G3BP2: variants seen among roughly 807,000 people sequenced by gnomAD.
The protein encoded by G3BP2 is ras GTPase-activating protein-binding protein 2.
Under a neutral mutation model 56.7 loss-of-function variants are expected in G3BP2, and 11 were observed. The ratio of observed to expected loss-of-function variants is 0.19; its 90% confidence interval spans 0.12 to 0.32. The LOEUF (loss-of-function observed/expected upper bound fraction) is 0.32. Among genes scored for constraint, G3BP2 ranks in the 10% least tolerant of loss-of-function variants. The pLI, the probability that G3BP2 is intolerant of heterozygous loss-of-function variation, is 1.00. For synonymous variants in G3BP2, 165 were observed against 191.6 expected (o/e 0.86, Z 1.15); for missense variants, 340 against 610.9 (o/e 0.56, Z 4.67).
At chr4:75,719,176 G>A (rs1720046327) in intron 3 of G3BP2, among the ~76,000 whole-genome samples, 1 of 151,436 alleles carries the variant, frequency 6.6e-6, no homozygotes, top group African/African-American at 2.4e-5. Context: ...GTGAAACCCC[G>A]TCTCTACTAA....
chr4:75,694,829 G>A, intron 3 of G3BP2: 1 of 985,666 alleles, frequency 1.0e-6, no homozygotes, highest in Non-Finnish European at 1.2e-6. Flanking sequence ...GATGGCACTA[G>A]CAGACAGGAT....
chr4:75,687,634 G>C (rs1287164726), intron 3 of G3BP2, among the ~76,000 whole-genome samples: 1 of 152,174 alleles, frequency 6.6e-6, no homozygotes, highest in Non-Finnish European at 1.5e-5. Flanking sequence ...ATCATTTTTG[G>C]AGAACTCAAA....
chr4:75,645,183 T>G lies in G3BP2; in HGVS notation c.*247A>C. On this transcript the variant is annotated 3_prime_UTR_variant, in exon 12 of 12. Coordinates refer to ENST00000359707, the MANE Select transcript of G3BP2 (RefSeq NM_203505.3). ...TTTAAGTTCACTTTGTCGTAGATAG[T>G]TTAAGATATGGTCATTTCTCAGTCC... 1 of 526,404 alleles carries G rather than the reference T, an allele frequency of 1.9e-6. No homozygotes were observed. The highest frequency in any genetic ancestry group is 3.3e-6 in the Non-Finnish European group (1 of 299,202). 32.6% of individuals were successfully genotyped at this position (526,404 alleles called of 1,614,324 possible). A position where few individuals can be genotyped will look rare whatever the true frequency, so the allele number is the denominator to read the frequency against.
At chr4:75,671,714 T>A (rs1733502461) in intron 1 of G3BP2, among the ~76,000 whole-genome samples, 1 of 152,166 alleles carries the variant, frequency 6.6e-6, no homozygotes, top group Non-Finnish European at 1.5e-5. Context: ...AAAGATTAAA[T>A]CATAACATAA....
At chr4:75,716,823 T>C (rs1167346314) in intron 3 of G3BP2, among the ~76,000 whole-genome samples, 1 of 152,166 alleles carries the variant, frequency 6.6e-6, no homozygotes, top group Non-Finnish European at 1.5e-5. Context: ...CCTCTTCTAG[T>C]TCTTTATACC....
chr4:75,655,993 CT>C (rs373392333), intron 5 of G3BP2, 123 bp from the exon 6 acceptor site: 66,032 of 476,910 alleles, frequency 0.14, no homozygotes, highest in South Asian at 0.19. Flanking sequence ...ATTTTCTTTC[CT>C]TTTTTTTTTT....
At chr4:75,718,851 A>G (rs1273192161) in intron 3 of G3BP2, among the ~76,000 whole-genome samples, 1 of 152,142 alleles carries the variant, frequency 6.6e-6, no homozygotes, top group African/African-American at 2.4e-5. Context: ...AGGTCCTGGC[A>G]GCCATCTTGC....
At chr4:75,688,944 A>C (rs1298731321) in intron 3 of G3BP2, among the ~76,000 whole-genome samples, 1 of 152,218 alleles carries the variant, frequency 6.6e-6, no homozygotes, top group African/African-American at 2.4e-5. Context: ...TTGTAGGTGT[A>C]AAAACACTAC....
At chr4:75,703,212 C>G (rs897934318) in intron 3 of G3BP2, among the ~76,000 whole-genome samples, 2 of 152,194 alleles carry the variant, frequency 1.3e-5, no homozygotes, top group Non-Finnish European at 2.9e-5. Flanking sequence ...TTTCTTCTTA[C>G]ACATTAACAA....
At chr4:75,651,756 C>T (rs1731712990) in intron 8 of G3BP2, among the ~76,000 whole-genome samples, 1 of 152,106 alleles carries the variant, frequency 6.6e-6, no homozygotes, top group Non-Finnish European at 1.5e-5. Context: ...GAAGGTCAAA[C>T]AGAATATGAA....
At chr4:75,667,863 T>A (rs1460617307) in intron 1 of G3BP2, among the ~76,000 whole-genome samples, 1 of 152,218 alleles carries the variant, frequency 6.6e-6, no homozygotes, top group Admixed American at 6.5e-5. Flanking sequence ...CACTTCAGCC[T>A]GGGCAACAAG....
intron 1 of G3BP2, among the ~76,000 whole-genome samples, chr4:75,665,072 T>A (rs1732894713): frequency 6.6e-6 from 1 of 152,242 alleles, no homozygotes; most frequent in Non-Finnish European, 1.5e-5. Flanking sequence ...CAGCCCTGCA[T>A]AGGTCATTAA....
intron 3 of G3BP2, among the ~76,000 whole-genome samples, chr4:75,690,106 T>C (rs1047474606): frequency 2.6e-5 from 4 of 152,214 alleles, no homozygotes; most frequent in Non-Finnish European, 5.9e-5. Context: ...AAGGTCATCA[T>C]GGGTCCTGCT....
chr4:75,679,355 T>A (rs1300572795), intron 3 of G3BP2, among the ~76,000 whole-genome samples: 1 of 152,210 alleles, frequency 6.6e-6, no homozygotes, highest in African/African-American at 2.4e-5. Flanking sequence ...TATTATGACC[T>A]AAAGAAAGAA....
chr4:75,692,527 G>A (rs1042895668), intron 3 of G3BP2, among the ~76,000 whole-genome samples: 1 of 151,976 alleles, frequency 6.6e-6, no homozygotes, highest in Non-Finnish European at 1.5e-5. Context: ...GGACAGGCTG[G>A]TCTTGAACTC....
At chr4:75,683,888 G>A (rs1198047539) in intron 3 of G3BP2, among the ~76,000 whole-genome samples, 1 of 152,072 alleles carries the variant, frequency 6.6e-6, no homozygotes, top group African/African-American at 2.4e-5. Flanking sequence ...AGAACCAAAA[G>A]TTATTGACCA....
At chr4:75,705,119 C>T (rs1180206922) in intron 3 of G3BP2, among the ~76,000 whole-genome samples, 1 of 152,138 alleles carries the variant, frequency 6.6e-6, no homozygotes, top group Non-Finnish European at 1.5e-5. Context: ...ATATTGGACA[C>T]CCCTGATCTA....
chr4:75,710,547 T>A (rs1719716083), intron 3 of G3BP2, among the ~76,000 whole-genome samples: 1 of 152,108 alleles, frequency 6.6e-6, no homozygotes, highest in Non-Finnish European at 1.5e-5. Context: ...AAGCAAACAT[T>A]TTTGTCTGTT....
intron 3 of G3BP2, among the ~76,000 whole-genome samples, chr4:75,680,931 G>A (rs1439906547): frequency 1.3e-5 from 2 of 150,360 alleles, no homozygotes; most frequent in Admixed American, 6.7e-5. Flanking sequence ...TCATGCCGCT[G>A]CATTCCACCC....
Sources: allele counts gnomAD v4.1 joint callset (sites outside exome capture counted in the v4.1 genomes callset), GRCh38; gene constraint gnomAD v4.1.1; transcripts MANE v1.5; gene names NCBI Gene and HGNC (gene_info 2026-07-23, HGNC 2026-07-21).